Variants in HIVEP2 observed in about 807,000 individuals in gnomAD.
HIVEP2 encodes the protein transcription factor HIVEP2.
A neutral mutation model predicts 180.7 loss-of-function variants in HIVEP2; 14 were observed. That is an observed-to-expected ratio of 0.08 (90% CI 0.05 to 0.12). HIVEP2 has a LOEUF of 0.12. HIVEP2 is among the 10% of genes least tolerant of loss of function. The pLI, the probability that HIVEP2 is intolerant of heterozygous loss-of-function variation, is 1.00. For synonymous variants in HIVEP2, 1,184 were observed against 1,136.4 expected, an observed-to-expected ratio of 1.04 and a Z score of -0.84; for missense variants, 2,579 against 3,008.5, an observed-to-expected ratio of 0.86 and a Z score of 3.34.
chr6:142,775,685 A>G lies in HIVEP2; in HGVS notation c.-388+462T>C, dbSNP rs552771864. On this transcript the variant is annotated intron_variant, in intron 4 of 9. Coordinates refer to ENST00000367603, the MANE Select transcript of HIVEP2 (RefSeq NM_006734.4). ...CCCCGTCTCTACTAAAAATACAAAA[A>G]TTAGCTGGGTGTGGTGGCATGCACC... is the stretch of plus-strand genomic sequence containing the variant. 2.6e-5 allele frequency among the ~76,000 whole-genome samples: 4 copies of G among 152,122 alleles called. No individual in the cohort carries two copies. In the East Asian group the frequency reaches 7.7e-4, roughly 29 times the overall value.
At chr6:142,888,106 G>T (rs1776754805) in intron 1 of HIVEP2, among the ~76,000 whole-genome samples, 1 of 152,030 alleles carries the variant, frequency 6.6e-6, no homozygotes, top group Non-Finnish European at 1.5e-5. Flanking sequence ...TACATCCCTA[G>T]TTCACTATCC....
intron 1 of HIVEP2, among the ~76,000 whole-genome samples, chr6:142,895,026 A>G (rs1776947840): frequency 6.6e-6 from 1 of 152,240 alleles, no homozygotes; most frequent in Non-Finnish European, 1.5e-5. Flanking sequence ...TGTTTATAAC[A>G]GTCCTGCTCC....
At chr6:142,865,367 T>G (rs1296978518) in intron 1 of HIVEP2, among the ~76,000 whole-genome samples, 3 of 152,006 alleles carry the variant, frequency 2.0e-5, no homozygotes, top group East Asian at 1.9e-4. Flanking sequence ...AATCCTAATT[T>G]CATTAAAAAT....
chr6:142,792,255 T>C (rs976890489), intron 2 of HIVEP2, among the ~76,000 whole-genome samples: 4 of 152,130 alleles, frequency 2.6e-5, no homozygotes, highest in African/African-American at 4.8e-5. Flanking sequence ...TGCAAATGTA[T>C]AGCCTGAAAA....
chr6:142,770,002 G>A lies in HIVEP2; in HGVS notation c.4737C>T (p.Ser1579=), dbSNP rs762303005. Residue 1579 remains serine (S), a synonymous_variant, in exon 5 of 10, where the codon AGC becomes AGT. Transcript: ENST00000367603. The surrounding 1 kb of genome is among the most constrained non-coding windows in gnomAD (Gnocchi z 4.7). ...LDIDETASDM[S]MSPQSSSLPA... is the part of the protein sequence containing the mutation. ...GTAATGAAGAACTCTGTGGGCTCAT[G>A]CTCATGTCCGATGCCGTCTCATCGA... 6.2e-7 allele frequency: 1 copy of A among 1,614,114 alleles called. No homozygotes were observed. Among genetic ancestry groups the A allele is most frequent in the Non-Finnish European group, 8.5e-7 (1 of 1,180,020 alleles).
intron 6 of HIVEP2, among the ~76,000 whole-genome samples, chr6:142,767,400 A>C (rs996629119): frequency 2.0e-5 from 3 of 152,262 alleles, no homozygotes; most frequent in African/African-American, 7.2e-5. Context: ...AACCAAATAG[A>C]ATAATCCATC....
chr6:142,796,950 T>A (rs1157975251), intron 2 of HIVEP2, among the ~76,000 whole-genome samples: 1 of 152,164 alleles, frequency 6.6e-6, no homozygotes, highest in East Asian at 1.9e-4. Context: ...CAACAGTTAG[T>A]TTTATGCAGA....
intron 2 of HIVEP2, among the ~76,000 whole-genome samples, chr6:142,810,597 A>G (rs1776668545): frequency 6.6e-6 from 1 of 152,038 alleles, no homozygotes. Flanking sequence ...CCCCGTCTCT[A>G]TTAAAAATAC....
chr6:142,901,477 T>C (rs564174315), intron 1 of HIVEP2, among the ~76,000 whole-genome samples: 2 of 152,326 alleles, frequency 1.3e-5, no homozygotes, highest in East Asian at 3.9e-4. Context: ...AAAACTTAGC[T>C]ACTACCCTAT....
intron 1 of HIVEP2, among the ~76,000 whole-genome samples, chr6:142,849,767 C>T (rs1427725012): frequency 1.3e-5 from 2 of 152,132 alleles, no homozygotes; most frequent in Non-Finnish European, 2.9e-5. Context: ...GATCTGATTG[C>T]CTTGGCCTCC....
At chr6:142,868,260 T>C (rs1243284768) in intron 1 of HIVEP2, among the ~76,000 whole-genome samples, 1 of 152,190 alleles carries the variant, frequency 6.6e-6, no homozygotes, top group Non-Finnish European at 1.5e-5. Context: ...AGAGGCCACA[T>C]ACTACAATAA....
intron 1 of HIVEP2, among the ~76,000 whole-genome samples, chr6:142,844,469 A>G (rs1217659405): frequency 6.6e-6 from 1 of 152,212 alleles, no homozygotes; most frequent in African/African-American, 2.4e-5. Flanking sequence ...ATCTTATTGT[A>G]AGCATTAAGA....
chr6:142,820,789 C>G (rs1275410911), intron 2 of HIVEP2, among the ~76,000 whole-genome samples: 1 of 152,120 alleles, frequency 6.6e-6, no homozygotes, highest in Non-Finnish European at 1.5e-5. Context: ...CCTCATAACC[C>G]CATGTAGGCA....
intron 3 of HIVEP2, among the ~76,000 whole-genome samples, chr6:142,778,257 T>C (rs1166521776): frequency 2.6e-5 from 4 of 152,174 alleles, no homozygotes; most frequent in Non-Finnish European, 5.9e-5. Flanking sequence ...CTCATAATAT[T>C]CCAATGCAAA....
At position 142,771,086 on chromosome 6, in the gene HIVEP2, A is replaced by G; in HGVS notation, c.3653T>C (p.Leu1218Ser). 2 of 1,614,194 alleles carry G rather than the reference A, an allele frequency of 1.2e-6. No homozygotes were observed. The highest frequency in any genetic ancestry group is 2.2e-5 in the East Asian group (1 of 44,888). The stretch of plus-strand genomic sequence containing the variant: ...CCACCAGGGAGGCTGCTGAGCTGGT[A>G]AATGAACCATACAAACTGTAGGATA... ...FQYPTVCMVH[L>S]PAQQPPWWQA... Residue 1218 changes from leucine (L) to serine (S), a missense_variant, in exon 5 of 10, where the codon TTA becomes TCA. This residue lies in a region of HIVEP2 where 523 missense variants were observed against 577.0 expected (regional missense o/e 0.91). Coordinates refer to ENST00000367603, the MANE Select transcript of HIVEP2 (RefSeq NM_006734.4). This position sits in a 1 kb window ranked among gnomAD's most constrained non-coding sequence, Gnocchi z 5.4.
At chr6:142,894,978 T>C (rs1242209762) in intron 1 of HIVEP2, among the ~76,000 whole-genome samples, 1 of 152,228 alleles carries the variant, frequency 6.6e-6, no homozygotes, top group African/African-American at 2.4e-5. Context: ...CTGGCACGAA[T>C]TGGTATTCAG....
At chr6:142,796,566 A>T (rs974168947) in intron 2 of HIVEP2, among the ~76,000 whole-genome samples, 1 of 152,222 alleles carries the variant, frequency 6.6e-6, no homozygotes, top group Middle Eastern at 3.4e-3. Flanking sequence ...TGTTTACAGG[A>T]TGAATTATCT....
At chr6:142,826,626 T>C (rs1214612711) in intron 2 of HIVEP2, among the ~76,000 whole-genome samples, 2 of 152,216 alleles carry the variant, frequency 1.3e-5, no homozygotes, top group African/African-American at 2.4e-5. Flanking sequence ...CTGATAAGAA[T>C]GCATGGCAAT....
At chr6:142,777,394 A>T (rs998889367) in intron 3 of HIVEP2, among the ~76,000 whole-genome samples, 1 of 152,116 alleles carries the variant, frequency 6.6e-6, no homozygotes, top group African/African-American at 2.4e-5. Context: ...TGGGTGAAAA[A>T]GAGGAACAGT....
Sources: allele counts gnomAD v4.1 joint callset (sites outside exome capture counted in the v4.1 genomes callset), GRCh38; gene constraint gnomAD v4.1.1; regional missense constraint gnomAD v4.1.1; non-coding constraint Gnocchi (gnomAD v3.1); transcripts MANE v1.5; gene names NCBI Gene and HGNC (gene_info 2026-07-23, HGNC 2026-07-21).